NUP133: variants seen among roughly 807,000 people sequenced by gnomAD.
NUP133 encodes nuclear pore complex protein Nup133.
In NUP133, 66 loss-of-function variants were observed where a neutral mutation model predicts 146.2. The observed-to-expected ratio is 0.45, with a 90% CI of 0.37 to 0.55. The LOEUF (loss-of-function observed/expected upper bound fraction) is 0.55. NUP133 is among the 20% of genes least tolerant of loss of function. The pLI is 0.00. For synonymous variants in NUP133, 521 were observed against 498.8 expected, an observed-to-expected ratio of 1.04 and a Z score of -0.59; for missense variants, 1,277 against 1,374.8, an observed-to-expected ratio of 0.93 and a Z score of 1.12.
At chr1:229,449,873 A>ATATATATATTTTTTT (rs1261799272) in intron 23 of NUP133, among the ~76,000 whole-genome samples, 2 of 85,806 alleles carry the variant, frequency 2.3e-5, no homozygotes, top group African/African-American at 1.0e-4. Context: ...ATATATATAT[A>ATATATATATTTTTTT]TTTTTTTTTT....
chr1:229,508,304 CT>C lies in NUP133; in HGVS notation c.-56del. 1 of 1,317,988 alleles carries C rather than the reference CT, an allele frequency of 7.6e-7. No individual in the cohort carries two copies. Among genetic ancestry groups the C allele is most frequent in the South Asian group, 1.8e-5 (1 of 57,034 alleles). 81.6% of individuals were successfully genotyped at this position (1,317,988 alleles called of 1,614,324 possible). A position where few individuals can be genotyped will look rare whatever the true frequency, so the allele number is the denominator to read the frequency against. ...AGGGATCTGGCCGTCAGGTTGCAGC[CT>C]GGCCTGCGCGCGGAACTTAAACACC... On this transcript the variant is annotated 5_prime_UTR_variant, in exon 1 of 26. Transcript: ENST00000261396.
chr1:229,486,213 T>C (rs762978313), intron 11 of NUP133, among the ~76,000 whole-genome samples, 158 bp downstream of exon 11: 6 of 151,760 alleles, frequency 4.0e-5, no homozygotes, highest in Non-Finnish European at 8.8e-5. Context: ...AGGCACCTAC[T>C]GGGAAGTCTG....
At chr1:229,501,264 G>C (rs1188119826) in intron 3 of NUP133, among the ~76,000 whole-genome samples, 1 of 152,158 alleles carries the variant, frequency 6.6e-6, no homozygotes, top group Non-Finnish European at 1.5e-5. Context: ...AAGTTACCTA[G>C]GAAACAATTT....
At chr1:229,470,864 T>C (rs759137497) in intron 14 of NUP133, 60 bp from the exon 15 acceptor site, 17 of 1,484,288 alleles carry the variant, frequency 1.1e-5, no homozygotes, top group East Asian at 2.3e-5. Context: ...CAAAATACCA[T>C]AGCTGTATTT....
chr1:229,502,057 C>A lies in NUP133; in HGVS notation c.347G>T (p.Cys116Phe). The change falls in exon 3 of 26, where the codon TGT becomes TTT. Residue 116 changes from cysteine (C) to phenylalanine (F), a missense_variant. Around this residue, in one of 3 missense-constraint regions of NUP133, gnomAD observed 319 missense variants for 306.9 expected, o/e 1.04. Transcript: ENST00000261396. The part of the protein sequence containing the change: ...TINIDEGGWA[C>F]LVCKEKLIIW... ...AATGAGCTTCTCTTTGCACACCAGA[C>A]AAGCCCATCCACCTTCATCTATGTT... 1 of 1,614,042 alleles carries A rather than the reference C, an allele frequency of 6.2e-7. No individual in the cohort carries two copies. The highest frequency in any genetic ancestry group is 8.5e-7 in the Non-Finnish European group (1 of 1,179,960).
In NUP133 at chr1:229,498,143, T is replaced by C. The variant is rs751749991; in HGVS notation, c.812A>G (p.Asp271Gly). The change falls in exon 6 of 26, where the codon GAT becomes GGT. Residue 271 changes from aspartate (D) to glycine (G), a missense_variant. Asp to Gly is a moderately conservative substitution (Grantham distance 94). Coordinates refer to ENST00000261396, the MANE Select transcript of NUP133 (RefSeq NM_018230.3). ...SLFGILSPSS[D>G]LTLSSVLWDR... ...GTTATTTTATAAACTTACTGTGAGA[T>C]CACTACTAGGAGATAAAATTCCAAA... 6.3e-7 allele frequency: 1 copy of C among 1,577,650 alleles called. No homozygotes were observed. The highest frequency in any genetic ancestry group is 1.4e-5 in the African/African-American group (1 of 72,600).
intron 12 of NUP133, among the ~76,000 whole-genome samples, chr1:229,481,310 T>C (rs1045666957): frequency 1.3e-5 from 2 of 152,200 alleles, no homozygotes; most frequent in African/African-American, 2.4e-5. Context: ...CAAATTCATA[T>C]CTACCCAGTG....
chr1:229,493,166 A>T (rs1385112737), intron 8 of NUP133, among the ~76,000 whole-genome samples: 2 of 152,164 alleles, frequency 1.3e-5, no homozygotes, highest in African/African-American at 4.8e-5. Context: ...CTAGTAAAAT[A>T]ATTTATTTAT....
chr1:229,477,700 C>T lies in NUP133; in HGVS notation c.1653G>A (p.Leu551=). ...VDELFSSHSD[L]DSDSELDRAV... ...CCCTGTCTAGTTCAGAATCAGAATC[C>T]AAATCAGAGTGAGAGGAAAAGAGCT... Residue 551 remains leucine, a synonymous_variant, in exon 13 of 26, where the codon TTG becomes TTA. Transcript: ENST00000261396. 6.2e-7 allele frequency: 1 copy of T among 1,613,712 alleles called. No individual in the cohort carries two copies. The highest frequency in any genetic ancestry group is 8.5e-7 in the Non-Finnish European group (1 of 1,179,894).
rs1456749725 is a variant in NUP133 at position 229,475,640 on chromosome 1, G to A, written c.1849C>T (p.Gln617Ter). 1.2e-6 allele frequency: 2 copies of A among 1,612,146 alleles called. No homozygotes were observed. The highest frequency in any genetic ancestry group is 1.7e-5 in the Admixed American group (1 of 60,006). Residue 617 changes from glutamine to a stop codon, truncating the protein, a stop_gained and splice_region_variant, in exon 14 of 26, where the codon CAA (glutamine) becomes TAA (stop). Transcript: ENST00000261396. LOFTEE classifies it high-confidence loss of function. ...TGCCCAGCACCCTGCGCTCTTACTT[G>A]ATGAATAAAGTCCATAAGAAAAGAG... ...AHSFLMDFIH[Q>*]VGLFGRLGSF...
At chr1:229,449,372 T>A (rs1235615847) in intron 23 of NUP133, among the ~76,000 whole-genome samples, 182 bp from the exon 24 acceptor site, 1 of 147,730 alleles carries the variant, frequency 6.8e-6, no homozygotes, top group African/African-American at 2.5e-5. Context: ...GAGTTTTTCT[T>A]TTTTTTTTTT....
chr1:229,504,596 T>C (rs537159725), intron 2 of NUP133, among the ~76,000 whole-genome samples: 32 of 152,304 alleles, frequency 2.1e-4, no homozygotes, highest in East Asian at 1.3e-3. Flanking sequence ...GGATGCTACA[T>C]AGGATCCAGA....
At chr1:229,497,840 T>C (rs1280011925) in intron 6 of NUP133, among the ~76,000 whole-genome samples, 1 of 152,230 alleles carries the variant, frequency 6.6e-6, no homozygotes, top group Non-Finnish European at 1.5e-5. Context: ...TGGTTAAATC[T>C]AAAAAGTCAA....
chr1:229,465,485 T>C lies in NUP133; in HGVS notation c.2234A>G (p.Asn745Ser). 1 of 1,614,010 alleles carries C rather than the reference T, an allele frequency of 6.2e-7. No individual in the cohort carries two copies. Among genetic ancestry groups the C allele is most frequent in the Non-Finnish European group, 8.5e-7 (1 of 1,179,938 alleles). Residue 745 changes from asparagine to serine, a missense_variant, in exon 17 of 26, where the codon AAT becomes AGT. This residue lies in a region of NUP133 where 952 missense variants were observed against 1,047.0 expected (regional missense o/e 0.91). Transcript: ENST00000261396. ...MLQAASHYRQ[N>S]RNSLYRREES... ...TTCTCTTCTATACAAAGAGTTTCTA[T>C]TTTGGCGATAATGACTAGCAGCCTG...
At position 229,440,406 on chromosome 1, in the gene NUP133, A is replaced by G. The variant is rs1660155721; in HGVS notation, c.*1498T>C. ...GGATGACTCTACTTCACACGGTAAGAGCAGTCGTTCTACGTCCACGCGATC... is the reference window on the plus strand; with the variant it reads ...GGATGACTCTACTTCACACGGTAAGGGCAGTCGTTCTACGTCCACGCGATC... On this transcript the variant is annotated 3_prime_UTR_variant, in exon 26 of 26. Coordinates refer to ENST00000261396, the MANE Select transcript of NUP133 (RefSeq NM_018230.3). 6.6e-6 allele frequency: 1 copy of G among 152,180 alleles called. No homozygotes were observed. The highest frequency in any genetic ancestry group is 1.5e-5 in the Non-Finnish European group (1 of 68,042). 9.4% of individuals were successfully genotyped at this position (152,180 alleles called of 1,614,324 possible). A position where few individuals can be genotyped will look rare whatever the true frequency, so the allele number is the denominator to read the frequency against.
intron 2 of NUP133, among the ~76,000 whole-genome samples, chr1:229,505,779 T>C (rs1448650630): frequency 6.6e-6 from 1 of 151,910 alleles, no homozygotes; most frequent in East Asian, 1.9e-4. Flanking sequence ...TCCCAGCTAC[T>C]TGGGAGGCTG....
At chr1:229,480,962 G>C (rs760035418) in intron 12 of NUP133, among the ~76,000 whole-genome samples, 11 of 151,644 alleles carry the variant, frequency 7.3e-5, no homozygotes, top group Non-Finnish European at 1.3e-4. Flanking sequence ...CCAAAGTACT[G>C]GGATTACAGG....
chr1:229,494,662 CAG>C (rs1009057023), intron 8 of NUP133, among the ~76,000 whole-genome samples: 2 of 152,302 alleles, frequency 1.3e-5, no homozygotes, highest in East Asian at 3.9e-4. Flanking sequence ...ATGCACCACT[CAG>C]AGAGAGCACT....
chr1:229,456,816 TATAG>T (rs1163547848), intron 21 of NUP133, among the ~76,000 whole-genome samples: 4 of 151,644 alleles, frequency 2.6e-5, no homozygotes, highest in African/African-American at 9.7e-5. Context: ...TCTACATATA[TATAG>T]AGAGAGACTT....
Sources: allele counts gnomAD v4.1 joint callset (sites outside exome capture counted in the v4.1 genomes callset), GRCh38; gene constraint gnomAD v4.1.1; regional missense constraint gnomAD v4.1.1; transcripts MANE v1.5; gene names NCBI Gene and HGNC (gene_info 2026-07-23, HGNC 2026-07-21).